SETBP1: variants seen among roughly 807,000 people sequenced by gnomAD.
The protein encoded by SETBP1 is SET binding protein 1.
In SETBP1, 9 loss-of-function variants were observed where a neutral mutation model predicts 101.0. The ratio of observed to expected loss-of-function variants is 0.09; its 90% CI spans 0.05 to 0.16. The LOEUF is 0.16. SETBP1 is among the 10% of genes least tolerant of loss of function. SETBP1 has a pLI of 1.00. For synonymous variants in SETBP1, 818 were observed against 788.5 expected (o/e 1.04, Z -0.63); for missense variants, 1,858 against 2,033.8 (o/e 0.91, Z 1.66).
intron 4 of SETBP1, among the ~76,000 whole-genome samples, chr18:45,032,883 A>G (rs2073325709): frequency 6.6e-6 from 1 of 152,150 alleles, no homozygotes; most frequent in Non-Finnish European, 1.5e-5. Context: ...AGGCTCTTTC[A>G]TTGCCCTTAT....
rs753405820 is a variant in SETBP1 at position 44,953,076 on chromosome 18, A to G, written c.3736A>G (p.Lys1246Glu). ...CGACGCCCAGCATTGGACACAGGCC[A>G]AGGAAAAAGGAGACTTGAGCAGTGA... Reference protein sequence around the residue: ...LSDAQHWTQAKEKGDLSSEPV... With the variant: ...LSDAQHWTQAEEKGDLSSEPV... Residue 1246 changes from lysine to glutamate, a missense_variant, in exon 4 of 6, where the codon AAG becomes GAG. Physicochemically the swap from Lys to Glu is moderately conservative, Grantham distance 56. Around this residue, in one of 12 missense-constraint regions of SETBP1, gnomAD observed 417 missense variants for 389.1 expected, o/e 1.07. Transcript: ENST00000649279. The G allele has an allele frequency of 5.6e-6, 9 of 1,614,116 alleles. No homozygotes were observed. Among genetic ancestry groups the G allele is most frequent in the Non-Finnish European group, 7.6e-6 (9 of 1,180,050 alleles).
intron 3 of SETBP1, among the ~76,000 whole-genome samples, chr18:44,886,068 C>G (rs1399411816): frequency 1.3e-5 from 2 of 151,992 alleles, no homozygotes; most frequent in Admixed American, 1.3e-4. Context: ...GGACAAAAGT[C>G]TCATGCACGG....
chr18:44,863,366 T>C (rs931965214), intron 2 of SETBP1, among the ~76,000 whole-genome samples: 3 of 152,244 alleles, frequency 2.0e-5, no homozygotes, highest in Non-Finnish European at 2.9e-5. Flanking sequence ...TCACTTTATC[T>C]TTCTGTGCCT....
chr18:44,871,975 C>T (rs1394466292), intron 3 of SETBP1: 1 of 152,188 alleles, frequency 6.6e-6, no homozygotes, highest in Admixed American at 6.5e-5. Context: ...GAAATTCACA[C>T]CTAACCCACC....
intron 1 of SETBP1, among the ~76,000 whole-genome samples, chr18:44,693,338 G>A (rs902246575): frequency 4.6e-5 from 7 of 152,134 alleles, no homozygotes; most frequent in African/African-American, 1.4e-4. Context: ...CCCTTCAAGG[G>A]CTTATCATCT....
chr18:44,744,587 T>C (rs1292866954), intron 2 of SETBP1, among the ~76,000 whole-genome samples: 1 of 152,170 alleles, frequency 6.6e-6, no homozygotes. Context: ...AGCGGCACGG[T>C]GGCCCTGGCT....
chr18:44,819,129 G>A (rs2072049172), intron 2 of SETBP1, among the ~76,000 whole-genome samples: 1 of 149,514 alleles, frequency 6.7e-6, no homozygotes, highest in South Asian at 2.1e-4. Flanking sequence ...ATACTTGAGA[G>A]TGGGAGTAGA....
chr18:45,007,092 G>A (rs901365330), intron 4 of SETBP1, among the ~76,000 whole-genome samples: 1 of 152,148 alleles, frequency 6.6e-6, no homozygotes, highest in African/African-American at 2.4e-5. Flanking sequence ...GTGAAGTTGG[G>A]AAAGCTGACT....
intron 3 of SETBP1, among the ~76,000 whole-genome samples, chr18:44,880,596 G>A (rs73489141): frequency 0.012 from 1,818 of 152,306 alleles, 28 homozygotes; most frequent in African/African-American, 0.042. Flanking sequence ...TTCAGGAAGC[G>A]TGGTGCTGGA....
intron 2 of SETBP1, among the ~76,000 whole-genome samples, chr18:44,855,362 T>C (rs2072954984): frequency 6.6e-6 from 1 of 152,218 alleles, no homozygotes; most frequent in African/African-American, 2.4e-5. Flanking sequence ...TAAATATTTA[T>C]GTAATGAATT....
chr18:44,937,280 G>A (rs1413601969), intron 3 of SETBP1, among the ~76,000 whole-genome samples: 1 of 151,308 alleles, frequency 6.6e-6, no homozygotes, highest in East Asian at 2.0e-4. Context: ...GTGAAACCCC[G>A]TCTCTACTAA....
chr18:44,881,065 G>C (rs369121154), intron 3 of SETBP1, among the ~76,000 whole-genome samples: 1 of 152,190 alleles, frequency 6.6e-6, no homozygotes, highest in Non-Finnish European at 1.5e-5. Context: ...TGACATTTCT[G>C]TAATGCTTTC....
chr18:44,902,522 C>A (rs1453256382), intron 3 of SETBP1, among the ~76,000 whole-genome samples: 1 of 151,574 alleles, frequency 6.6e-6, no homozygotes, highest in African/African-American at 2.4e-5. Flanking sequence ...AGGCCCTCCC[C>A]AAATCATACA....
intron 2 of SETBP1, among the ~76,000 whole-genome samples, chr18:44,819,262 C>G (rs1477347183): frequency 6.6e-6 from 1 of 152,094 alleles, no homozygotes; most frequent in Non-Finnish European, 1.5e-5. Context: ...GCAGTAGTAC[C>G]AGACACCAGA....
intron 4 of SETBP1, among the ~76,000 whole-genome samples, chr18:44,968,811 A>C (rs1366554725): frequency 2.0e-5 from 3 of 152,330 alleles, no homozygotes; most frequent in Admixed American, 1.3e-4. Flanking sequence ...ACACACCAGC[A>C]ACCAAAACCT....
intron 3 of SETBP1, among the ~76,000 whole-genome samples, chr18:44,909,380 G>A (rs146855288): frequency 2.9e-4 from 44 of 152,232 alleles, no homozygotes; most frequent in Middle Eastern, 3.4e-3. Flanking sequence ...GTGTCTGCTC[G>A]GCTGTCATTT....
At chr18:44,723,844 A>T (rs1391253556) in intron 2 of SETBP1, among the ~76,000 whole-genome samples, 1 of 152,154 alleles carries the variant, frequency 6.6e-6, no homozygotes, top group Non-Finnish European at 1.5e-5. Context: ...GCATTTTGAG[A>T]ACCCAGCTAA....
chr18:45,038,886 A>G (rs1346564238), intron 5 of SETBP1, among the ~76,000 whole-genome samples: 1 of 152,198 alleles, frequency 6.6e-6, no homozygotes, highest in Non-Finnish European at 1.5e-5. Context: ...TCTTCATTTT[A>G]TTCTAATATG....
chr18:44,880,985 T>A (rs1331938065), intron 3 of SETBP1, among the ~76,000 whole-genome samples: 2 of 152,212 alleles, frequency 1.3e-5, no homozygotes, highest in African/African-American at 4.8e-5. Context: ...TTGTGGGACC[T>A]ATTCTAGGGC....
Sources: allele counts gnomAD v4.1 joint callset (sites outside exome capture counted in the v4.1 genomes callset), GRCh38; gene constraint gnomAD v4.1.1; regional missense constraint gnomAD v4.1.1; transcripts MANE v1.5; gene names NCBI Gene and HGNC (gene_info 2026-07-23, HGNC 2026-07-21).